RNF10: variants seen among roughly 807,000 people sequenced by gnomAD.
RNF10 encodes the protein ring finger protein 10.
In RNF10, 38 loss-of-function variants were observed where a neutral mutation model predicts 91.4. The observed-to-expected ratio is 0.42, with a 90% CI of 0.32 to 0.54. RNF10 has a LOEUF of 0.54. RNF10 is among the 20% of genes least tolerant of loss of function. RNF10 has a pLI of 0.16. For missense variants in RNF10, 945 were observed against 1,012.0 expected (o/e 0.93, Z 0.90); for synonymous variants, 364 against 366.3 (o/e 0.99, Z 0.07).
At chr12:120,560,652 G>A in intron 6 of RNF10, 74 bp from the exon 7 acceptor site, 1 of 1,457,774 alleles carries the variant, frequency 6.9e-7, no homozygotes, top group Non-Finnish European at 9.4e-7. Context: ...GGCTGTATTT[G>A]AAAATTCCTA....
intron 1 of RNF10, among the ~76,000 whole-genome samples, chr12:120,543,293 C>G (rs1433151264): frequency 1.3e-5 from 2 of 152,108 alleles, no homozygotes; most frequent in South Asian, 4.2e-4. Context: ...CATAGGAATT[C>G]CGTAAAAGCT....
intron 2 of RNF10, among the ~76,000 whole-genome samples, 179 bp from the exon 3 acceptor site, chr12:120,552,320 A>C (rs939186515): frequency 6.6e-6 from 1 of 151,474 alleles, no homozygotes; most frequent in African/African-American, 2.4e-5. Context: ...GAGTCACTTG[A>C]ACCTGGGAGG....
chr12:120,552,770 G>T, intron 3 of RNF10, 72 bp downstream of exon 3: 1 of 1,366,854 alleles, frequency 7.3e-7, no homozygotes, highest in Non-Finnish European at 1.0e-6. Context: ...TCTGTGAGAG[G>T]CTTTTTTTAA....
intron 4 of RNF10, among the ~76,000 whole-genome samples, chr12:120,556,578 GA>G (rs1455076233): frequency 7.3e-6 from 1 of 136,418 alleles, no homozygotes; most frequent in Non-Finnish European, 1.6e-5. Context: ...TCACTACTGT[GA>G]AAATGTATAA....
chr12:120,565,533 A>G lies in RNF10; in HGVS notation c.1885+4A>G. 1 of 1,613,100 alleles carries G rather than the reference A, an allele frequency of 6.2e-7. No individual in the cohort carries two copies. The highest frequency in any genetic ancestry group is 8.5e-7 in the Non-Finnish European group (1 of 1,179,412). On this transcript the variant is annotated splice_donor_region_variant and intron_variant, in intron 12 of 16. Coordinates refer to ENST00000325954, the MANE Select transcript of RNF10 (RefSeq NM_014868.5). Reference sequence around the variant, plus strand: ...GAGAACAAGAAACAGGGCAAGTGTAAGTTCAGGAACTTTCATCTTTGACTA... The same window carrying G: ...GAGAACAAGAAACAGGGCAAGTGTAGGTTCAGGAACTTTCATCTTTGACTA...
intron 1 of RNF10, among the ~76,000 whole-genome samples, chr12:120,545,505 A>G (rs1490343472): frequency 6.6e-6 from 1 of 150,906 alleles, no homozygotes; most frequent in Non-Finnish European, 1.5e-5. Context: ...TTTAAAAAGG[A>G]TATGACTCAA....
chr12:120,569,851 G>A (rs546883417), intron 13 of RNF10, among the ~76,000 whole-genome samples: 2 of 150,380 alleles, frequency 1.3e-5, no homozygotes, highest in Non-Finnish European at 3.0e-5. Flanking sequence ...CTGTGATACC[G>A]AGATTGTGTT....
At chr12:120,566,719 A>T in intron 12 of RNF10, 106 bp from the exon 13 acceptor site, 1 of 1,051,178 alleles carries the variant, frequency 9.5e-7, no homozygotes, top group Non-Finnish European at 1.4e-6. Context: ...CAGAGATCGT[A>T]CCACTACACT....
chr12:120,543,053 T>G (rs1293435465), intron 1 of RNF10, among the ~76,000 whole-genome samples: 1 of 152,190 alleles, frequency 6.6e-6, no homozygotes, highest in Non-Finnish European at 1.5e-5. Context: ...ACTATGGGCG[T>G]GAAGTGGTTG....
chr12:120,567,345 AAAC>A (rs1026955773), intron 13 of RNF10, among the ~76,000 whole-genome samples: 1 of 151,932 alleles, frequency 6.6e-6, no homozygotes, highest in African/African-American at 2.4e-5. Context: ...CAAAAAAAAA[AAAC>A]AGTTTAGAAA....
At chr12:120,537,652 A>G (rs747339834) in intron 1 of RNF10, among the ~76,000 whole-genome samples, 1 of 152,172 alleles carries the variant, frequency 6.6e-6, no homozygotes, top group Non-Finnish European at 1.5e-5. Context: ...GATTTTACAA[A>G]TAACACATAT....
chr12:120,553,795 G>A (rs181027048), intron 3 of RNF10: 1 of 152,192 alleles, frequency 6.6e-6, no homozygotes, highest in Non-Finnish European at 1.5e-5. Flanking sequence ...GTTTCCTTTT[G>A]TGTGGCCCTA....
chr12:120,563,710 C>A, intron 9 of RNF10, 87 bp downstream of exon 9: 1 of 1,579,088 alleles, frequency 6.3e-7, no homozygotes, highest in South Asian at 1.2e-5. Context: ...GCCACTAGAT[C>A]CTGTGGCTTG....
Position 120,546,547 on chromosome 12 carries a change from C to T in RNF10, c.300C>T (p.Gly100=), listed in dbSNP as rs765908876. The change falls in exon 2 of 17, where the codon GGC becomes GGT. Residue 100 remains glycine (G), a synonymous_variant. Coordinates refer to ENST00000325954, the MANE Select transcript of RNF10 (RefSeq NM_014868.5). ...KTFNKMPPQR[G]GGSSKLFSSS... ...TTAACAAGATGCCTCCTCAAAGGGG[C>T]GGCGGCAGCAGCAAACTCTTTAGCT... 60 of 1,614,008 alleles carry T rather than the reference C, an allele frequency of 3.7e-5. 2 individuals are homozygous for T. The Middle Eastern group carries it at 4.5e-3, about 120-fold the overall frequency.
intron 2 of RNF10, among the ~76,000 whole-genome samples, chr12:120,548,891 C>T (rs118143694): frequency 0.019 from 2,946 of 151,924 alleles, 45 homozygotes; most frequent in Middle Eastern, 0.054. Context: ...ACGGTGGTCT[C>T]GATCTTCTGA....
In RNF10 at chr12:120,565,104, C is replaced by T; in HGVS notation, c.1698C>T (p.His566=). Reference sequence around the variant, plus strand: ...GACAGCGTCACAGATATCTCTCTCACTTGCCACTCACCTGTGAGTTCAGCA... The same window carrying T: ...GACAGCGTCACAGATATCTCTCTCATTTGCCACTCACCTGTGAGTTCAGCA... The part of the protein sequence containing the change: ...DVRQRHRYLS[H]LPLTCEFSIC... Residue 566 remains histidine (H), a synonymous_variant, in exon 11 of 17, where the codon CAC becomes CAT. Transcript: ENST00000325954. The T allele has an allele frequency of 6.2e-7, 1 of 1,614,004 alleles. No individual in the cohort carries two copies. The highest frequency in any genetic ancestry group is 8.5e-7 in the Non-Finnish European group (1 of 1,179,862).
intron 1 of RNF10, among the ~76,000 whole-genome samples, chr12:120,537,186 GTCCCA>G (rs1870948658): frequency 6.6e-6 from 1 of 150,938 alleles, no homozygotes; most frequent in Non-Finnish European, 1.5e-5. Context: ...CGCACCTGTA[GTCCCA>G]GCTGTGAAGA....
At chr12:120,573,777 G>C (rs1361104107) in intron 14 of RNF10, among the ~76,000 whole-genome samples, 1 of 152,104 alleles carries the variant, frequency 6.6e-6, no homozygotes, top group East Asian at 1.9e-4. Context: ...CCGTGTTCCT[G>C]TGCCCAGTTT....
chr12:120,556,810 T>A (rs1431048118), intron 4 of RNF10, among the ~76,000 whole-genome samples: 2 of 151,950 alleles, frequency 1.3e-5, no homozygotes, highest in East Asian at 3.9e-4. Flanking sequence ...TGTATTAGTT[T>A]TATTATATTT....
Sources: allele counts gnomAD v4.1 joint callset (sites outside exome capture counted in the v4.1 genomes callset), GRCh38; gene constraint gnomAD v4.1.1; transcripts MANE v1.5; gene names NCBI Gene and HGNC (gene_info 2026-07-23, HGNC 2026-07-21).